The following CNDP1 variants were observed in gnomAD, a reference collection of about 807,000 sequenced individuals.
CNDP1 encodes carnosine dipeptidase 1, also known as beta-Ala-His dipeptidase.
In CNDP1, 44 loss-of-function variants were observed where a neutral mutation model predicts 58.1. That is an observed-to-expected ratio of 0.76 (90% CI 0.60 to 0.97). CNDP1 has a LOEUF of 0.97. Ranked by LOEUF, CNDP1 falls within the 50% of genes least tolerant of loss-of-function variation. The pLI is 0.00. For missense variants in CNDP1, 616 were observed against 655.1 expected (o/e 0.94, Z 0.65); for synonymous variants, 254 against 252.6 (o/e 1.01, Z -0.05).
At chr18:74,583,968 T>C (rs1981852025) in intron 11 of CNDP1, 1 of 453,124 alleles carries the variant, frequency 2.2e-6, no homozygotes. Context: ...TTCTGGTGTC[T>C]CTCTTTTTAT....
At chr18:74,576,582 AACTC>A in intron 7 of CNDP1, 1 of 339,048 alleles carries the variant, frequency 2.9e-6, no homozygotes, top group Non-Finnish European at 5.3e-6. Flanking sequence ...TGATGCAGGT[AACTC>A]ACTCCGACCT....
At position 74,561,000 on chromosome 18, in the gene CNDP1, G is replaced by A; in HGVS notation, c.448G>A (p.Val150Met). 1.2e-6 allele frequency: 2 copies of A among 1,613,640 alleles called. No individual in the cohort carries two copies. Among genetic ancestry groups the A allele is most frequent in the Middle Eastern group, 1.7e-4 (1 of 6,054 alleles). Residue 150 changes from valine to methionine, a missense_variant, in exon 4 of 12, where the codon GTG (valine) becomes ATG (methionine). By Grantham distance (21) the Val-to-Met change is conservative (BLOSUM62 1). Coordinates refer to ENST00000358821, the MANE Select transcript of CNDP1 (RefSeq NM_032649.6). Reference sequence around the variant, plus strand: ...CGATGGGTGGCTCACGGACCCCTATGTGCTGACGGAGGTAGACGGTCAGTG... The same window carrying A: ...CGATGGGTGGCTCACGGACCCCTATATGCTGACGGAGGTAGACGGTCAGTG... ...RGDGWLTDPY[V>M]LTEVDGKLYG...
At position 74,576,963 on chromosome 18, in the gene CNDP1, C is replaced by T; in HGVS notation, c.936C>T (p.Ala312=). Residue 312 remains alanine (A), a synonymous_variant, in exon 8 of 12, where the codon GCC becomes GCT. Coordinates refer to ENST00000358821, the MANE Select transcript of CNDP1 (RefSeq NM_032649.6). ...AAGAGGAAATAAATACATACAAAGC[C>T]ATCCATCTAGACCTAGAAGAATACC... ...LTEEEINTYK[A]IHLDLEEYRN... 1 of 1,613,682 alleles carries T rather than the reference C, an allele frequency of 6.2e-7. No homozygotes were observed. The highest frequency in any genetic ancestry group is 1.7e-5 in the Admixed American group (1 of 59,984).
chr18:74,540,129 C>A (rs11659364), intron 1 of CNDP1, among the ~76,000 whole-genome samples: 3 of 151,212 alleles, frequency 2.0e-5, no homozygotes, highest in Non-Finnish European at 2.9e-5. Context: ...TAAATAGGAT[C>A]TACACTTTAC....
intron 1 of CNDP1, among the ~76,000 whole-genome samples, chr18:74,538,636 C>A (rs1308497834): frequency 6.6e-6 from 1 of 152,156 alleles, no homozygotes; most frequent in Non-Finnish European, 1.5e-5. Context: ...GCTGGCTGCA[C>A]CATTTTGCAT....
intron 1 of CNDP1, among the ~76,000 whole-genome samples, chr18:74,539,112 G>T (rs1980552584): frequency 6.6e-6 from 1 of 151,830 alleles, no homozygotes; most frequent in Admixed American, 6.6e-5. Context: ...GAGAGATTAT[G>T]GCCGGAAAAT....
chr18:74,547,365 A>G (rs1980787890), intron 1 of CNDP1, among the ~76,000 whole-genome samples: 1 of 152,164 alleles, frequency 6.6e-6, no homozygotes, highest in East Asian at 1.9e-4. Flanking sequence ...CTGATTGGCC[A>G]TTGTATGGAC....
chr18:74,587,079 G>GT lies in CNDP1; in HGVS notation c.*2518dup, dbSNP rs1318683872. 1.3e-5 allele frequency: 2 copies of GT among 152,200 alleles called. No homozygotes were observed. The highest frequency in any genetic ancestry group is 4.8e-5 in the African/African-American group (2 of 41,438). 9.4% of individuals were successfully genotyped at this position (152,200 alleles called of 1,614,324 possible). The stretch of plus-strand genomic sequence containing the variant: ...GTTAGTAGACGTAGCGCATTAAAGC[G>GT]TAACTATTGTGATAAGTTTAGGGGT... On this transcript the variant is annotated 3_prime_UTR_variant, in exon 12 of 12. Transcript: ENST00000358821.
At chr18:74,575,943 C>T (rs1981625914) in intron 7 of CNDP1, among the ~76,000 whole-genome samples, 1 of 146,294 alleles carries the variant, frequency 6.8e-6, no homozygotes, top group African/African-American at 2.5e-5. Flanking sequence ...GATCTGGGCT[C>T]ACTGCAACCT....
Position 74,585,597 on chromosome 18 carries a change from T to C in CNDP1, c.*1035T>C, listed in dbSNP as rs747055804. On this transcript the variant is annotated 3_prime_UTR_variant, in exon 12 of 12. Transcript: ENST00000358821. ...ACAGTCATTTTTCTACAGTTGAGTG[T>C]ATATAAACAAAATCAATCTTTATGA... 2.0e-5 allele frequency: 3 copies of C among 152,230 alleles called. No individual in the cohort carries two copies. The highest frequency in any genetic ancestry group is 1.9e-4 in the East Asian group (1 of 5,198). The allele number at this position is 152,230 out of a possible 1,614,324, so 9.4% of individuals were successfully genotyped here.
chr18:74,579,188 T>TC lies in CNDP1; in HGVS notation c.1167+863dup, dbSNP rs1568300952. Among the ~76,000 whole-genome samples, 82 of 118,516 alleles carry TC rather than the reference T, an allele frequency of 6.9e-4. No homozygotes were observed. In the Middle Eastern group the frequency reaches 0.014, roughly 20 times the overall value. 77.8% of individuals were successfully genotyped at this position (118,516 alleles called of 152,430 possible). ...CTCTCTCCCTTCTCCCTTCTCCCTT[T>TC]CCTTCCCTTCCCTTGCCTTCCCTTC... On this transcript the variant is annotated intron_variant, in intron 9 of 11. Transcript: ENST00000358821.
chr18:74,583,284 G>A (rs1297539399), intron 10 of CNDP1, among the ~76,000 whole-genome samples: 1 of 152,178 alleles, frequency 6.6e-6, no homozygotes, highest in Non-Finnish European at 1.5e-5. Flanking sequence ...TGGGATTACA[G>A]GCATGAGCCA....
chr18:74,577,186 C>G (rs1179292637), intron 8 of CNDP1, 157 bp downstream of exon 8: 1 of 626,112 alleles, frequency 1.6e-6, no homozygotes, highest in East Asian at 3.2e-5. Flanking sequence ...ACAGCCACTT[C>G]CCCGTGGGCT....
At chr18:74,571,662 A>G (rs1981482724) in intron 7 of CNDP1, among the ~76,000 whole-genome samples, 1 of 152,178 alleles carries the variant, frequency 6.6e-6, no homozygotes, top group South Asian at 2.1e-4. Flanking sequence ...ACTTCAGTAG[A>G]CCTGGCATGA....
Position 74,534,534 on chromosome 18 carries a change from T to G in CNDP1, c.-134T>G, listed in dbSNP as rs1599081710. 2.2e-6 allele frequency: 2 copies of G among 894,992 alleles called. No individual in the cohort carries two copies. The highest frequency in any genetic ancestry group is 5.0e-5 in the East Asian group (2 of 39,882). 55.4% of individuals were successfully genotyped at this position (894,992 alleles called of 1,614,324 possible). A position where few individuals can be genotyped will look rare whatever the true frequency, so the allele number is the denominator to read the frequency against. ...TAGCTCCACTATACCAGCCTCGTCT[T>G]CCTTCCGGGGGACAACGTGGGTCAG... On this transcript the variant is annotated 5_prime_UTR_variant, in exon 1 of 12. Coordinates refer to ENST00000358821, the MANE Select transcript of CNDP1 (RefSeq NM_032649.6).
Position 74,547,491 on chromosome 18 carries a change from A to G in CNDP1, c.25-8847A>G, listed in dbSNP as rs1980791986. ...CAAAATAAACAAAAACAACCAGTGC[A>G]GAAGTGGGGTTTTCCCACAGCACCC... On this transcript the variant is annotated intron_variant, in intron 1 of 11. Transcript: ENST00000358821. Among the ~76,000 whole-genome samples, 8 of 152,242 alleles carry G rather than the reference A, an allele frequency of 5.3e-5. No individual in the cohort carries two copies. The South Asian group carries it at 1.7e-3, about 31-fold the overall frequency.
At chr18:74,574,321 T>C (rs1455334268) in intron 7 of CNDP1, among the ~76,000 whole-genome samples, 1 of 152,248 alleles carries the variant, frequency 6.6e-6, no homozygotes, top group Non-Finnish European at 1.5e-5. Context: ...AGGGGCTTAG[T>C]ATGCAGGGGA....
chr18:74,567,836 A>T (rs1257530495), intron 6 of CNDP1, among the ~76,000 whole-genome samples: 1 of 152,006 alleles, frequency 6.6e-6, no homozygotes, highest in East Asian at 1.9e-4. Context: ...GTGGCAGGAG[A>T]CCCCAGTGCC....
chr18:74,572,117 T>C (rs528402500), intron 7 of CNDP1, among the ~76,000 whole-genome samples: 275 of 152,302 alleles, frequency 1.8e-3, no homozygotes, highest in African/African-American at 5.9e-3. Flanking sequence ...TCAAGGTTGC[T>C]GTGGCCCCGA....
Sources: gnomAD v4.1 joint callset for allele counts (sites outside exome capture counted in the v4.1 genomes callset) on GRCh38, gnomAD v4.1.1 for gene constraint, MANE v1.5 for transcripts, NCBI Gene and HGNC (gene_info 2026-07-23, HGNC 2026-07-21) for gene names.